The following THRB variants were observed in gnomAD, a reference collection of about 807,000 sequenced individuals.
The protein encoded by THRB is thyroid hormone receptor beta.
A neutral mutation model predicts 47.8 loss-of-function variants in THRB; 12 were observed. The ratio of observed to expected loss-of-function variants is 0.25; its 90% CI spans 0.16 to 0.41. The LOEUF is 0.41. Among genes scored for constraint, THRB ranks in the 10% least tolerant of loss-of-function variants. The pLI, the probability that THRB is intolerant of heterozygous loss-of-function variation, is 1.00. For synonymous variants in THRB, 218 were observed against 212.2 expected (o/e 1.03, Z -0.24); for missense variants, 348 against 589.2 (o/e 0.59, Z 4.24).
At chr3:24,207,910 C>A (rs2045573620) in intron 4 of THRB, among the ~76,000 whole-genome samples, 1 of 152,154 alleles carries the variant, frequency 6.6e-6, no homozygotes, top group Non-Finnish European at 1.5e-5. Context: ...CAAATTGTCC[C>A]TGTTTGCAGA....
chr3:24,401,515 T>G (rs79226458), intron 1 of THRB, among the ~76,000 whole-genome samples: 5,937 of 152,180 alleles, frequency 0.039, 139 homozygotes, highest in African/African-American at 0.054. Flanking sequence ...TCTTTTATTA[T>G]TATTGCTTTC....
chr3:24,418,798 C>T (rs1274729853), intron 1 of THRB, among the ~76,000 whole-genome samples: 1 of 151,932 alleles, frequency 6.6e-6, no homozygotes, highest in Non-Finnish European at 1.5e-5. Context: ...TAGGGCAATG[C>T]CCTCAATTAG....
At chr3:24,458,942 A>G (rs1462903418) in intron 1 of THRB, 1 of 150,740 alleles carries the variant, frequency 6.6e-6, no homozygotes, top group Non-Finnish European at 1.5e-5. Flanking sequence ...TGTATTTATT[A>G]TTTATTTATA....
At chr3:24,219,285 G>T (rs2046926944) in intron 4 of THRB, among the ~76,000 whole-genome samples, 1 of 152,152 alleles carries the variant, frequency 6.6e-6, no homozygotes, top group Admixed American at 6.6e-5. Flanking sequence ...CAGAGTGTGA[G>T]ACCCTGTCTC....
At chr3:24,223,539 A>G (rs764876738) in intron 4 of THRB, among the ~76,000 whole-genome samples, 17 of 152,212 alleles carry the variant, frequency 1.1e-4, no homozygotes, top group Non-Finnish European at 2.1e-4. Flanking sequence ...GGTTTGAAAT[A>G]AAAATTAGAT....
At chr3:24,127,182 C>T (rs1018351744) in intron 10 of THRB, among the ~76,000 whole-genome samples, 1 of 152,142 alleles carries the variant, frequency 6.6e-6, no homozygotes, top group Non-Finnish European at 1.5e-5. Flanking sequence ...TCTGGCATAC[C>T]CCAAACCAGA....
intron 4 of THRB, among the ~76,000 whole-genome samples, chr3:24,204,365 C>G (rs558578868): frequency 1.2e-4 from 18 of 152,224 alleles, no homozygotes; most frequent in African/African-American, 4.3e-4. Context: ...TGTTCTGCAG[C>G]CTTCACTGCT....
chr3:24,231,034 C>T (rs1443879400), intron 3 of THRB, among the ~76,000 whole-genome samples: 1 of 152,190 alleles, frequency 6.6e-6, no homozygotes, highest in Non-Finnish European at 1.5e-5. Flanking sequence ...TCTCTCGGCT[C>T]TTCCTGAGGC....
intron 8 of THRB, among the ~76,000 whole-genome samples, chr3:24,139,389 C>CT (rs5847276): frequency 0.14 from 20,834 of 143,988 alleles, 1,654 homozygotes; most frequent in Non-Finnish European, 0.16. Flanking sequence ...TCTTTTCTTT[C>CT]TTTTTTTTTT....
Position 24,178,026 on chromosome 3 carries a change from T to TTAAAA in THRB, c.283+12047_283+12048insTTTTA, listed in dbSNP as rs1468586831. Among the ~76,000 whole-genome samples, 183 of 152,302 alleles carry TTAAAA rather than the reference T, an allele frequency of 1.2e-3. 6 individuals are homozygous for TTAAAA. The South Asian group carries it at 0.036, about 30-fold the overall frequency. On this transcript the variant is annotated intron_variant, in intron 5 of 10. Coordinates refer to ENST00000646209, the MANE Select transcript of THRB (RefSeq NM_001354712.2). ...GGTGTTCCCTAGGTAAGTATCATCC[T>TTAAAA]ATGGGTCCAACCTTAAAAATGTCAC... is the stretch of plus-strand genomic sequence containing the variant.
chr3:24,163,773 AT>A (rs11299587), intron 5 of THRB, among the ~76,000 whole-genome samples: 4,751 of 152,226 alleles, frequency 0.031, 236 homozygotes, highest in African/African-American at 0.11. Context: ...CTCTAAATAT[AT>A]TTCATGCTGT....
At chr3:24,400,725 G>C (rs1263532891) in intron 1 of THRB, among the ~76,000 whole-genome samples, 1 of 151,984 alleles carries the variant, frequency 6.6e-6, no homozygotes, top group African/African-American at 2.4e-5. Context: ...GCAAAATGGG[G>C]TTGATCCTAA....
At chr3:24,469,782 C>T (rs528048647) in intron 1 of THRB, among the ~76,000 whole-genome samples, 15 of 152,206 alleles carry the variant, frequency 9.9e-5, no homozygotes, top group South Asian at 2.1e-4. Flanking sequence ...GAGTGAGGTA[C>T]GAGTAAAGAA....
chr3:24,141,268 C>T (rs1559436287), intron 8 of THRB, among the ~76,000 whole-genome samples: 1 of 152,222 alleles, frequency 6.6e-6, no homozygotes, highest in Non-Finnish European at 1.5e-5. Flanking sequence ...TTTAAGTGAA[C>T]AGTGCAGACC....
chr3:24,339,196 T>G (rs1421370430), intron 1 of THRB, among the ~76,000 whole-genome samples: 3 of 152,170 alleles, frequency 2.0e-5, no homozygotes, highest in Non-Finnish European at 4.4e-5. Flanking sequence ...TAATTTTGAT[T>G]TAGGCTTTGA....
chr3:24,391,693 T>C (rs1339911141), intron 1 of THRB, among the ~76,000 whole-genome samples: 4 of 152,160 alleles, frequency 2.6e-5, no homozygotes, highest in Admixed American at 2.6e-4. Flanking sequence ...TTTAAGCTTA[T>C]TGGGTCAGCT....
intron 6 of THRB, 51 bp from the exon 7 acceptor site, chr3:24,146,873 C>A: frequency 1.3e-6 from 2 of 1,576,326 alleles, no homozygotes; most frequent in South Asian, 2.2e-5. Context: ...TTCTTGAAAT[C>A]AGTGATTCTG....
At chr3:24,259,933 A>G (rs781636224) in intron 3 of THRB, among the ~76,000 whole-genome samples, 3 of 152,146 alleles carry the variant, frequency 2.0e-5, no homozygotes, top group Non-Finnish European at 4.4e-5. Flanking sequence ...TTACCCACAG[A>G]AAGTATACAG....
chr3:24,397,699 C>T (rs1250233806), intron 1 of THRB, among the ~76,000 whole-genome samples: 1 of 151,084 alleles, frequency 6.6e-6, no homozygotes, highest in Non-Finnish European at 1.5e-5. Flanking sequence ...TCTCCTGCCT[C>T]AGCCTCCCAA....
Sources: allele counts gnomAD v4.1 joint callset (sites outside exome capture counted in the v4.1 genomes callset), GRCh38; gene constraint gnomAD v4.1.1; transcripts MANE v1.5; gene names NCBI Gene and HGNC (gene_info 2026-07-23, HGNC 2026-07-21).